Variants in PSMA1 observed in about 807,000 individuals in gnomAD.
PSMA1 encodes proteasome subunit alpha type-1.
A neutral mutation model predicts 38.4 loss-of-function variants in PSMA1; 3 were observed. The observed-to-expected ratio is 0.08, with a 90% CI of 0.04 to 0.20. PSMA1 has a LOEUF of 0.20. Among genes scored for constraint, PSMA1 ranks in the 10% least tolerant of loss-of-function variants. PSMA1 has a pLI of 1.00. For synonymous variants in PSMA1, 101 were observed against 107.1 expected, an observed-to-expected ratio of 0.94 and a Z score of 0.35; for missense variants, 227 against 325.3, an observed-to-expected ratio of 0.70 and a Z score of 2.32.
At chr11:14,552,265 C>T (rs1191324092) in intron 2 of PSMA1, among the ~76,000 whole-genome samples, 1 of 152,216 alleles carries the variant, frequency 6.6e-6, no homozygotes, top group Non-Finnish European at 1.5e-5. Flanking sequence ...GCCACAGTCT[C>T]TACTCCTGAG....
chr11:14,611,073 G>C (rs188590307), exon 2 of PSMA1: 5 of 1,379,988 alleles, frequency 3.6e-6, no homozygotes, highest in Non-Finnish European at 5.2e-6. Flanking sequence ...CAGCCTTGGA[G>C]GGCCAAGGCC....
intron 2 of PSMA1, among the ~76,000 whole-genome samples, chr11:14,565,015 G>C (rs1310537695): frequency 1.3e-5 from 2 of 152,130 alleles, no homozygotes; most frequent in East Asian, 3.8e-4. Context: ...CTGGGCTCAA[G>C]TAATCCTCCT....
chr11:14,553,905 G>T (rs1851915253), intron 2 of PSMA1, among the ~76,000 whole-genome samples: 1 of 152,082 alleles, frequency 6.6e-6, no homozygotes, highest in Admixed American at 6.6e-5. Context: ...AAACTATTTT[G>T]CAGAGTGGCT....
At chr11:14,616,678 T>C (rs1008246812) in intron 1 of PSMA1, among the ~76,000 whole-genome samples, 4 of 152,204 alleles carry the variant, frequency 2.6e-5, no homozygotes, top group African/African-American at 9.7e-5. Flanking sequence ...CAGGCACTGT[T>C]CTATGTGCTT....
upstream of PSMA1, among the ~76,000 whole-genome samples, chr11:14,522,342 T>A (rs1851540606): frequency 6.6e-6 from 1 of 152,198 alleles, no homozygotes; most frequent in Admixed American, 6.5e-5. Context: ...TTCTTGTACA[T>A]ACACACCTAT....
chr11:14,626,275 C>A (rs192742226), intron 1 of PSMA1, among the ~76,000 whole-genome samples: 204 of 152,178 alleles, frequency 1.3e-3, no homozygotes, highest in African/African-American at 4.6e-3. Context: ...CCTGAAGGAG[C>A]AAAAGCATAA....
chr11:14,572,664 C>A (rs1240910962), intron 2 of PSMA1, among the ~76,000 whole-genome samples: 1 of 152,078 alleles, frequency 6.6e-6, no homozygotes, highest in Non-Finnish European at 1.5e-5. Flanking sequence ...TAACTAAGAT[C>A]AGAGCAGAAC....
chr11:14,610,319 G>A (rs1373005727), intron 2 of PSMA1, among the ~76,000 whole-genome samples: 1 of 148,928 alleles, frequency 6.7e-6, no homozygotes, highest in Non-Finnish European at 1.5e-5. Context: ...GGCACCCCAT[G>A]CTGATAAGAG....
At chr11:14,592,412 G>A (rs944671242) in intron 2 of PSMA1, among the ~76,000 whole-genome samples, 7 of 148,398 alleles carry the variant, frequency 4.7e-5, no homozygotes, top group Middle Eastern at 3.4e-3. Flanking sequence ...TTTAGATGGA[G>A]TCTCGCTTTG....
intron 2 of PSMA1, among the ~76,000 whole-genome samples, chr11:14,564,783 T>C (rs1031104513): frequency 4.0e-5 from 6 of 149,840 alleles, no homozygotes; most frequent in Admixed American, 6.7e-5. Flanking sequence ...TTTCTTTCTT[T>C]CTTTTTTTTT....
At chr11:14,632,859 C>T (rs1853045260) in intron 1 of PSMA1, among the ~76,000 whole-genome samples, 1 of 151,982 alleles carries the variant, frequency 6.6e-6, no homozygotes, top group African/African-American at 2.4e-5. Context: ...TTTCTCTAGA[C>T]TTCCCTTCTC....
chr11:14,615,314 T>C (rs1034854499), intron 1 of PSMA1, among the ~76,000 whole-genome samples: 3 of 152,256 alleles, frequency 2.0e-5, no homozygotes, highest in Non-Finnish European at 2.9e-5. Context: ...TCCAGCATTC[T>C]CTACTTGCCC....
chr11:14,535,100 A>T (rs1851689525), intron 2 of PSMA1, among the ~76,000 whole-genome samples: 1 of 152,046 alleles, frequency 6.6e-6, no homozygotes. Flanking sequence ...AAAAACAAAC[A>T]AAAAAACCCC....
At position 14,510,964 on chromosome 11, in the gene PSMA1, A is replaced by G; in HGVS notation, c.545-13T>C. 6.8e-7 allele frequency: 1 copy of G among 1,474,380 alleles called. No individual in the cohort carries two copies. Among genetic ancestry groups the G allele is most frequent in the South Asian group, 1.2e-5 (1 of 80,874 alleles). 91.3% of individuals were successfully genotyped at this position (1,474,380 alleles called of 1,614,324 possible). On this transcript the variant is annotated splice_polypyrimidine_tract_variant and intron_variant, in intron 7 of 9. Transcript: ENST00000396394. ...TCATTTAAATTACCTATATGTAATA[A>G]ATTAACAATTATTTCTTAATTTCAT... is the stretch of plus-strand genomic sequence containing the variant.
At chr11:14,550,853 G>A (rs1030385947) in intron 2 of PSMA1, among the ~76,000 whole-genome samples, 1 of 152,080 alleles carries the variant, frequency 6.6e-6, no homozygotes, top group Admixed American at 6.6e-5. Context: ...ATATATATGT[G>A]AGGAATTACC....
At position 14,513,800 on chromosome 11, in the gene PSMA1, A is replaced by G. The variant is rs1266831087; in HGVS notation, c.414+17T>C. The G allele has an allele frequency of 3.9e-5, 62 of 1,570,132 alleles. No homozygotes were observed. The highest frequency in any genetic ancestry group is 5.2e-5 in the Non-Finnish European group (60 of 1,164,986). Reference sequence around the variant, plus strand: ...TAAAAAAAATCATTAACATATAACAATATTCAATGAACTTACATCATAACC... The same window carrying G: ...TAAAAAAAATCATTAACATATAACAGTATTCAATGAACTTACATCATAACC... On this transcript the variant is annotated intron_variant, in intron 6 of 9. Transcript: ENST00000396394.
intron 2 of PSMA1, among the ~76,000 whole-genome samples, chr11:14,600,910 T>C (rs1852573168): frequency 6.6e-6 from 1 of 152,232 alleles, no homozygotes; most frequent in Admixed American, 6.5e-5. Flanking sequence ...GGCTTTCACA[T>C]TGGCATTCTT....
intron 2 of PSMA1, among the ~76,000 whole-genome samples, chr11:14,560,632 T>A (rs950600214): frequency 6.6e-6 from 1 of 152,208 alleles, no homozygotes; most frequent in Non-Finnish European, 1.5e-5. Flanking sequence ...CTGTGAGCGA[T>A]GGTAAGCAGG....
chr11:14,537,404 T>C (rs1305100866), intron 2 of PSMA1, among the ~76,000 whole-genome samples: 1 of 152,218 alleles, frequency 6.6e-6, no homozygotes, highest in Non-Finnish European at 1.5e-5. Context: ...CCTTTAATTG[T>C]TAAGAATAAC....
Sources: gnomAD v4.1 joint callset for allele counts (sites outside exome capture counted in the v4.1 genomes callset) on GRCh38, gnomAD v4.1.1 for gene constraint, MANE v1.5 for transcripts, NCBI Gene and HGNC (gene_info 2026-07-23, HGNC 2026-07-21) for gene names.